The following NRXN3 variants were observed in gnomAD, a reference collection of about 807,000 sequenced individuals.
NRXN3 encodes neurexin 3.
A neutral mutation model predicts 137.6 loss-of-function variants in NRXN3; 32 were observed. The observed-to-expected ratio is 0.23, with a 90% CI of 0.18 to 0.31. The LOEUF (loss-of-function observed/expected upper bound fraction) is 0.31, where lower values mean the gene tolerates loss of function less well. Ranked by LOEUF, NRXN3 falls within the 10% of genes least tolerant of loss-of-function variation. NRXN3 has a pLI of 1.00. For missense variants in NRXN3, 1,574 were observed against 2,062.5 expected, an observed-to-expected ratio of 0.76 and a Z score of 4.59; for synonymous variants, 798 against 784.5, an observed-to-expected ratio of 1.02 and a Z score of -0.29.
chr14:79,529,658 A>G (rs2097152629), intron 16 of NRXN3, among the ~76,000 whole-genome samples: 2 of 152,252 alleles, frequency 1.3e-5, no homozygotes, highest in South Asian at 4.1e-4. Flanking sequence ...AAATCTTTAA[A>G]ATATGTAAAT....
At chr14:78,652,027 C>G (rs1186768886) in intron 6 of NRXN3, among the ~76,000 whole-genome samples, 2 of 152,176 alleles carry the variant, frequency 1.3e-5, no homozygotes, top group Non-Finnish European at 2.9e-5. Flanking sequence ...TCACAAGGAA[C>G]TAGATGAGTG....
At chr14:78,488,979 T>C (rs2153747586) in intron 4 of NRXN3, among the ~76,000 whole-genome samples, 1 of 152,174 alleles carries the variant, frequency 6.6e-6, no homozygotes, top group East Asian at 1.9e-4. Flanking sequence ...TTCACGCTTT[T>C]CCCTCTCTTA....
chr14:79,765,485 C>A (rs2099052821), intron 19 of NRXN3, among the ~76,000 whole-genome samples: 1 of 152,112 alleles, frequency 6.6e-6, no homozygotes, highest in African/African-American at 2.4e-5. Context: ...TTGCAATAAC[C>A]CTTTGCTGTG....
intron 4 of NRXN3, among the ~76,000 whole-genome samples, chr14:78,439,239 G>T (rs113774826): frequency 6.6e-6 from 1 of 152,176 alleles, no homozygotes; most frequent in African/African-American, 2.4e-5. Context: ...AAAAACCAGG[G>T]TACCTCTTTC....
At chr14:78,826,369 T>C (rs2098966621) in intron 10 of NRXN3, among the ~76,000 whole-genome samples, 1 of 152,128 alleles carries the variant, frequency 6.6e-6, no homozygotes, top group Non-Finnish European at 1.5e-5. Flanking sequence ...GGCAGAAAAG[T>C]GAATGAGGAA....
At chr14:79,088,889 T>G (rs1168117751) in intron 15 of NRXN3, among the ~76,000 whole-genome samples, 2 of 152,168 alleles carry the variant, frequency 1.3e-5, no homozygotes, top group Non-Finnish European at 2.9e-5. Flanking sequence ...ATATAATTCT[T>G]AATTGTTCTG....
intron 4 of NRXN3, among the ~76,000 whole-genome samples, chr14:78,522,576 T>C (rs570349633): frequency 5.3e-4 from 81 of 152,330 alleles, no homozygotes; most frequent in African/African-American, 1.8e-3. Context: ...TTGCACCATA[T>C]AATCTGTTTT....
chr14:79,322,763 A>T (rs2090240400), intron 15 of NRXN3, among the ~76,000 whole-genome samples: 1 of 152,192 alleles, frequency 6.6e-6, no homozygotes, highest in Non-Finnish European at 1.5e-5. Flanking sequence ...CACAGATTCA[A>T]TGGGGAACAT....
intron 15 of NRXN3, among the ~76,000 whole-genome samples, chr14:79,334,507 C>T (rs755503683): frequency 5.3e-5 from 8 of 152,228 alleles, no homozygotes; most frequent in South Asian, 2.1e-4. Flanking sequence ...ACAGTGAGCC[C>T]GCAGGGCAGG....
intron 6 of NRXN3, among the ~76,000 whole-genome samples, chr14:78,696,970 A>G (rs1359862138): frequency 6.6e-6 from 1 of 152,080 alleles, no homozygotes; most frequent in Admixed American, 6.5e-5. Flanking sequence ...AAGGCATGTC[A>G]TGGGAGCCAC....
chr14:78,585,042 A>G lies in NRXN3; in HGVS notation c.758-60078A>G, dbSNP rs117679886. Among the ~76,000 whole-genome samples, 295 of 151,750 alleles carry G rather than the reference A, an allele frequency of 1.9e-3. 2 individuals carry two copies. The highest frequency in any genetic ancestry group is 3.5e-3 in the Non-Finnish European group (236 of 67,948). On this transcript the variant is annotated intron_variant, in intron 4 of 20. Transcript: ENST00000335750. The stretch of plus-strand genomic sequence containing the variant: ...CTAGTTCTCATGGGGTTGATTTCCT[A>G]TTTGAGGAAAAGAGACAAAAAGGAA...
At position 79,531,483 on chromosome 14, in the gene NRXN3, G is replaced by A. The variant is rs377163705; in HGVS notation, c.3444+64081G>A. Among the ~76,000 whole-genome samples the A allele has an allele frequency of 1.5e-3, 230 of 152,326 alleles. 1 individual carries two copies. The South Asian group carries it at 0.018, about 12-fold the overall frequency. ...TATGGAAAAGGTGAATAGGGATAGT[G>A]TTATGAGATTTTTAGAGTACGTTAA... is the stretch of plus-strand genomic sequence containing the variant. On this transcript the variant is annotated intron_variant, in intron 16 of 20. Transcript: ENST00000335750.
intron 4 of NRXN3, among the ~76,000 whole-genome samples, chr14:78,577,153 G>T (rs571843060): frequency 3.3e-5 from 5 of 152,264 alleles, no homozygotes; most frequent in African/African-American, 1.2e-4. Flanking sequence ...CCAGCTATCT[G>T]AATATTCAGT....
At chr14:78,960,452 T>C (rs1262923095) in intron 11 of NRXN3, among the ~76,000 whole-genome samples, 1 of 152,178 alleles carries the variant, frequency 6.6e-6, no homozygotes, top group Non-Finnish European at 1.5e-5. Flanking sequence ...TTTCAGCTAG[T>C]TTATAGAAAT....
At chr14:78,737,940 C>T (rs546520452) in intron 8 of NRXN3, among the ~76,000 whole-genome samples, 28 of 152,174 alleles carry the variant, frequency 1.8e-4, no homozygotes, top group Non-Finnish European at 2.8e-4. Context: ...TATCACTGCG[C>T]GGGGTGGGAG....
At chr14:78,926,751 T>TA (rs2099296229) in intron 10 of NRXN3, among the ~76,000 whole-genome samples, 1 of 59,196 alleles carries the variant, frequency 1.7e-5, no homozygotes, top group Non-Finnish European at 2.7e-5. Flanking sequence ...ATATTATATA[T>TA]TATATATATA....
intron 1 of NRXN3, among the ~76,000 whole-genome samples, chr14:78,241,128 A>T (rs1433921593): frequency 6.6e-6 from 1 of 152,108 alleles, no homozygotes; most frequent in Non-Finnish European, 1.5e-5. Flanking sequence ...ATCCAGTGTC[A>T]CTCTAGGAAT....
chr14:79,040,164 C>G (rs2152527626), intron 15 of NRXN3, among the ~76,000 whole-genome samples: 1 of 152,258 alleles, frequency 6.6e-6, no homozygotes, highest in Middle Eastern at 3.4e-3. Flanking sequence ...TGTTAAATGC[C>G]TGTCTGTCTT....
chr14:79,464,753 G>T (rs2096399692), intron 15 of NRXN3, among the ~76,000 whole-genome samples: 1 of 152,118 alleles, frequency 6.6e-6, no homozygotes, highest in East Asian at 1.9e-4. Context: ...GTGAAAAAAG[G>T]CTTTCAGAGG....
Sources: gnomAD v4.1 joint callset for allele counts (sites outside exome capture counted in the v4.1 genomes callset) on GRCh38, gnomAD v4.1.1 for gene constraint, MANE v1.5 for transcripts, NCBI Gene and HGNC (gene_info 2026-07-23, HGNC 2026-07-21) for gene names.